The following NFATC2 variants were observed in gnomAD, a reference collection of about 807,000 sequenced individuals.
The protein encoded by NFATC2 is nuclear factor of activated T cells 2.
NFATC2 carries 22 observed loss-of-function variants against 87.3 expected under a neutral mutation model. The ratio of observed to expected loss-of-function variants is 0.25; its 90% CI spans 0.18 to 0.36. The LOEUF (loss-of-function observed/expected upper bound fraction) is 0.36, where lower values mean the gene tolerates loss of function less well. Among genes scored for constraint, NFATC2 ranks in the 10% least tolerant of loss-of-function variants. NFATC2 has a pLI of 1.00. For synonymous variants in NFATC2, 565 were observed against 542.2 expected, an observed-to-expected ratio of 1.04 and a Z score of -0.58; for missense variants, 1,149 against 1,259.1, an observed-to-expected ratio of 0.91 and a Z score of 1.32.
intron 6 of NFATC2, among the ~76,000 whole-genome samples, chr20:51,449,606 C>T (rs150027512): frequency 1.8e-4 from 28 of 152,292 alleles, no homozygotes; most frequent in Admixed American, 7.2e-4. Flanking sequence ...TGGCTCAGAG[C>T]AGCTGAAGGG....
At chr20:51,407,421 G>A (rs1434674255) in intron 9 of NFATC2, among the ~76,000 whole-genome samples, 1 of 152,248 alleles carries the variant, frequency 6.6e-6, no homozygotes, top group Non-Finnish European at 1.5e-5. Flanking sequence ...ACGGCTGTTG[G>A]ATGAATGAAT....
intron 5 of NFATC2, among the ~76,000 whole-genome samples, chr20:51,466,061 T>C (rs1987652860): frequency 6.6e-6 from 1 of 152,016 alleles, no homozygotes; most frequent in African/African-American, 2.4e-5. Context: ...CTAATTCTTT[T>C]GTTTGTTTTG....
intron 9 of NFATC2, chr20:51,398,940 G>A: frequency 3.6e-6 from 2 of 549,726 alleles, no homozygotes; most frequent in South Asian, 2.2e-5. Context: ...GAGGGACTCT[G>A]TGCAAAGTGC....
intron 2 of NFATC2, among the ~76,000 whole-genome samples, chr20:51,518,806 T>C (rs868291140): frequency 6.6e-6 from 1 of 152,180 alleles, no homozygotes; most frequent in East Asian, 1.9e-4. Flanking sequence ...TATTTTTAAT[T>C]TTTTCTTTTT....
chr20:51,499,512 G>A (rs543301275), intron 3 of NFATC2, among the ~76,000 whole-genome samples: 5 of 152,160 alleles, frequency 3.3e-5, no homozygotes, highest in South Asian at 2.1e-4. Flanking sequence ...CAGCATTTTC[G>A]GAAGCCAAGG....
intron 1 of NFATC2, among the ~76,000 whole-genome samples, chr20:51,534,743 C>T (rs1235772609): frequency 1.3e-5 from 2 of 152,182 alleles, no homozygotes; most frequent in African/African-American, 2.4e-5. Context: ...TTTCAAGTCC[C>T]CCAGAGGGTT....
intron 3 of NFATC2, among the ~76,000 whole-genome samples, chr20:51,485,293 C>A (rs1276124009): frequency 6.6e-6 from 1 of 152,200 alleles, no homozygotes; most frequent in African/African-American, 2.4e-5. Flanking sequence ...AAACCTGGAT[C>A]ATTTTGTCCC....
upstream of NFATC2, chr20:51,562,765 A>T: frequency 1.3e-6 from 1 of 755,192 alleles, no homozygotes; most frequent in South Asian, 2.1e-5. The surrounding 1 kb of genome is among the most constrained non-coding windows in gnomAD (Gnocchi z 5.8). Flanking sequence ...GCGACCCGGG[A>T]GCTGCGCGCC....
chr20:51,433,828 T>A (rs1983155913), intron 8 of NFATC2, among the ~76,000 whole-genome samples: 1 of 151,234 alleles, frequency 6.6e-6, no homozygotes. Flanking sequence ...TTGGAGGAGA[T>A]AAGGAGACTA....
At chr20:51,411,457 A>G (rs1203830356) in intron 9 of NFATC2, among the ~76,000 whole-genome samples, 1 of 149,790 alleles carries the variant, frequency 6.7e-6, no homozygotes, top group South Asian at 2.2e-4. Flanking sequence ...CACACACAGT[A>G]TAACTACACC....
chr20:51,539,639 C>T (rs973689506), intron 1 of NFATC2, among the ~76,000 whole-genome samples: 1 of 152,118 alleles, frequency 6.6e-6, no homozygotes, highest in Non-Finnish European at 1.5e-5. Flanking sequence ...TACAGGCATG[C>T]GCAACTAGGC....
Position 51,398,776 on chromosome 20 carries a change from C to A in NFATC2, c.2723-46G>T, listed in dbSNP as rs1008044824. 7 of 1,252,736 alleles carry A rather than the reference C, an allele frequency of 5.6e-6. No homozygotes were observed. In the African/African-American group the frequency reaches 7.4e-5, roughly 13 times the overall value. 77.6% of individuals were successfully genotyped at this position (1,252,736 alleles called of 1,614,324 possible). On this transcript the variant is annotated intron_variant, in intron 9 of 10. Coordinates refer to ENST00000371564, the MANE Select transcript of NFATC2 (RefSeq NM_012340.5). The stretch of plus-strand genomic sequence containing the variant: ...CATTTTTGAGAAGAAAAAAAAAAAT[C>A]ACCTTTGATCTCTCTTACGCTTCCA...
intron 6 of NFATC2, among the ~76,000 whole-genome samples, chr20:51,448,231 G>A (rs1345235202): frequency 6.6e-6 from 1 of 152,204 alleles, no homozygotes; most frequent in Non-Finnish European, 1.5e-5. Flanking sequence ...GGCACAGAAG[G>A]TGACAAGGTG....
chr20:51,506,978 G>T (rs971590487), intron 3 of NFATC2, among the ~76,000 whole-genome samples: 44 of 152,346 alleles, frequency 2.9e-4, no homozygotes, highest in African/African-American at 1.0e-3. Context: ...GCACTGCGCT[G>T]AGCTGCCGCA....
chr20:51,486,085 C>T (rs1455431904), intron 3 of NFATC2, among the ~76,000 whole-genome samples: 3 of 152,072 alleles, frequency 2.0e-5, no homozygotes, highest in African/African-American at 7.2e-5. Flanking sequence ...GTGGCGTGCA[C>T]CTGTAGTCCC....
At chr20:51,525,282 C>A (rs1382946059) in intron 1 of NFATC2, among the ~76,000 whole-genome samples, 1 of 152,166 alleles carries the variant, frequency 6.6e-6, no homozygotes, top group Non-Finnish European at 1.5e-5. Flanking sequence ...GACCTAACTT[C>A]CTCTTTTAGC....
chr20:51,486,532 T>C (rs1415919423), intron 3 of NFATC2, among the ~76,000 whole-genome samples: 1 of 151,878 alleles, frequency 6.6e-6, no homozygotes, highest in Non-Finnish European at 1.5e-5. Flanking sequence ...TGTCTTCCTG[T>C]TTATTTCCTT....
chr20:51,392,296 C>T (rs941802374), intron 10 of NFATC2, among the ~76,000 whole-genome samples: 1 of 152,178 alleles, frequency 6.6e-6, no homozygotes, highest in Admixed American at 6.5e-5. Flanking sequence ...GGATCATGTG[C>T]CAGCTCAGGA....
chr20:51,502,839 T>G (rs982019109), intron 3 of NFATC2, among the ~76,000 whole-genome samples: 1 of 152,196 alleles, frequency 6.6e-6, no homozygotes, highest in Admixed American at 6.5e-5. Flanking sequence ...AATAGGAACA[T>G]GGGATTCACT....
Sources: gnomAD v4.1 joint callset for allele counts (sites outside exome capture counted in the v4.1 genomes callset) on GRCh38, gnomAD v4.1.1 for gene constraint, Gnocchi (gnomAD v3.1) non-coding constraint, MANE v1.5 for transcripts, NCBI Gene and HGNC (gene_info 2026-07-23, HGNC 2026-07-21) for gene names.